The following MCU variants were observed in gnomAD, a reference collection of about 807,000 sequenced individuals.
MCU encodes the protein mitochondrial calcium uniporter.
Under a neutral mutation model 45.2 loss-of-function variants are expected in MCU, and 12 were observed. The observed-to-expected ratio is 0.27, with a 90% CI of 0.17 to 0.43. The LOEUF (loss-of-function observed/expected upper bound fraction) is 0.43, where lower values mean the gene tolerates loss of function less well. Ranked by LOEUF, MCU falls within the 20% of genes least tolerant of loss-of-function variation. MCU has a pLI of 1.00. For synonymous variants in MCU, 160 were observed against 165.1 expected (o/e 0.97, Z 0.24); for missense variants, 324 against 436.7 (o/e 0.74, Z 2.30).
intron 1 of MCU, among the ~76,000 whole-genome samples, chr10:72,783,866 T>G (rs1281208816): frequency 6.6e-6 from 1 of 152,224 alleles, no homozygotes; most frequent in African/African-American, 2.4e-5. Flanking sequence ...CTTTCTTTAT[T>G]TCTTTTTAAA....
intron 6 of MCU, among the ~76,000 whole-genome samples, chr10:72,882,557 T>TC: frequency 6.6e-6 from 1 of 152,136 alleles, no homozygotes; most frequent in East Asian, 1.9e-4. Context: ...AACCCCGGTC[T>TC]CCCATAGCGC....
At chr10:72,880,491 A>T (rs546496706) in intron 6 of MCU, among the ~76,000 whole-genome samples, 11 of 151,994 alleles carry the variant, frequency 7.2e-5, no homozygotes, top group Admixed American at 2.6e-4. Context: ...GGGGGGGGAA[A>T]CCCTAGAAAT....
intron 2 of MCU, 148 bp from the exon 3 acceptor site, chr10:72,859,029 A>G (rs1437856403): frequency 1.1e-5 from 7 of 663,398 alleles, no homozygotes; most frequent in Non-Finnish European, 1.7e-5. Flanking sequence ...ATAACCTTCA[A>G]CTAAAGCTAA....
chr10:72,737,821 A>G (rs1171759038), intron 1 of MCU, among the ~76,000 whole-genome samples: 1 of 151,988 alleles, frequency 6.6e-6, no homozygotes, highest in African/African-American at 2.4e-5. Flanking sequence ...TGCCCAGCCT[A>G]TTTCCCCTTT....
intron 2 of MCU, among the ~76,000 whole-genome samples, chr10:72,851,594 C>G (rs1845207568): frequency 6.6e-6 from 1 of 151,956 alleles, no homozygotes; most frequent in Non-Finnish European, 1.5e-5. Context: ...TGTGCTGAGT[C>G]CTCTTCTGGG....
chr10:72,726,508 G>GTT (rs924423005), intron 1 of MCU, among the ~76,000 whole-genome samples: 2 of 149,794 alleles, frequency 1.3e-5, no homozygotes, highest in Non-Finnish European at 3.0e-5. Flanking sequence ...TTTGTTTCCT[G>GTT]TTTTTTTTTG....
chr10:72,785,167 AGTG>A (rs1236188569), intron 1 of MCU, among the ~76,000 whole-genome samples: 2 of 152,242 alleles, frequency 1.3e-5, no homozygotes, highest in Non-Finnish European at 2.9e-5. Context: ...AGCAAGTGGT[AGTG>A]GTGGCTGCTC....
intron 1 of MCU, among the ~76,000 whole-genome samples, chr10:72,752,504 T>G (rs1843516889): frequency 6.6e-6 from 1 of 152,248 alleles, no homozygotes; most frequent in Non-Finnish European, 1.5e-5. Context: ...AACATTCTTT[T>G]CTTAGTACTG....
Position 72,706,618 on chromosome 10 carries a change from A to C in MCU, c.150+14317A>C, listed in dbSNP as rs146269740. ...AGTGGCGTGATCTCGGCTTACTGCA[A>C]CCTCCACTTCCTGGGTTCAAGCGAT... On this transcript the variant is annotated intron_variant, in intron 1 of 7. Coordinates refer to ENST00000373053, the MANE Select transcript of MCU (RefSeq NM_138357.3). Among the ~76,000 whole-genome samples the C allele has an allele frequency of 4.6e-3, 690 of 151,334 alleles. 3 individuals carry two copies. Among genetic ancestry groups the C allele is most frequent in the African/African-American group, 0.016 (661 of 41,164 alleles).
chr10:72,863,293 A>G (rs1770240324), intron 4 of MCU, among the ~76,000 whole-genome samples: 1 of 152,118 alleles, frequency 6.6e-6, no homozygotes, highest in African/African-American at 2.4e-5. Context: ...CTTTTCTTTG[A>G]TGCTGTGAGG....
At chr10:72,795,861 G>T (rs926958036) in intron 1 of MCU, among the ~76,000 whole-genome samples, 1 of 152,108 alleles carries the variant, frequency 6.6e-6, no homozygotes, top group African/African-American at 2.4e-5. Flanking sequence ...AGCCGGGTGT[G>T]GTGGCGGGCG....
chr10:72,872,132 CT>C (rs1564580678), intron 6 of MCU, among the ~76,000 whole-genome samples: 1 of 151,950 alleles, frequency 6.6e-6, no homozygotes, highest in African/African-American at 2.4e-5. Context: ...CAAGTCTATT[CT>C]TTTTTTATTG....
chr10:72,839,882 T>G (rs1387542814), intron 2 of MCU, among the ~76,000 whole-genome samples: 4 of 144,590 alleles, frequency 2.8e-5, no homozygotes, highest in Non-Finnish European at 5.9e-5. Context: ...GGGAATGGCG[T>G]GAACCCAGGA....
intron 2 of MCU, among the ~76,000 whole-genome samples, chr10:72,836,510 T>G (rs74145974): frequency 0.036 from 5,463 of 151,140 alleles, 346 homozygotes; most frequent in African/African-American, 0.12. Flanking sequence ...GGTACAGTTA[T>G]GTATACCTAT....
chr10:72,704,735 G>A (rs1248003829), intron 1 of MCU, among the ~76,000 whole-genome samples: 1 of 103,850 alleles, frequency 9.6e-6, no homozygotes, highest in African/African-American at 3.7e-5. Context: ...TTTTTTTTGA[G>A]ACGGAGTCTC....
chr10:72,762,970 C>T (rs1843675666), intron 1 of MCU, among the ~76,000 whole-genome samples: 1 of 152,144 alleles, frequency 6.6e-6, no homozygotes. Context: ...GAATCTGTTT[C>T]CTTGCCTTTT....
At chr10:72,883,168 A>T (rs919838888) in intron 6 of MCU, among the ~76,000 whole-genome samples, 3 of 152,206 alleles carry the variant, frequency 2.0e-5, no homozygotes, top group Non-Finnish European at 2.9e-5. Context: ...AATGTCCAGA[A>T]TAGACAAATT....
chr10:72,808,040 G>T (rs1378403459), intron 1 of MCU, among the ~76,000 whole-genome samples: 3 of 152,162 alleles, frequency 2.0e-5, no homozygotes, highest in Admixed American at 6.5e-5. Context: ...GTAAATAGAT[G>T]ATTTCTTTAC....
chr10:72,781,928 G>C (rs901115995), intron 1 of MCU, among the ~76,000 whole-genome samples: 1 of 151,986 alleles, frequency 6.6e-6, no homozygotes, highest in Non-Finnish European at 1.5e-5. Flanking sequence ...CCATGAATAG[G>C]CTGCAAAAAG....
Sources: allele counts gnomAD v4.1 joint callset (sites outside exome capture counted in the v4.1 genomes callset), GRCh38; gene constraint gnomAD v4.1.1; transcripts MANE v1.5; gene names NCBI Gene and HGNC (gene_info 2026-07-23, HGNC 2026-07-21).